CPSF4: variants seen among roughly 807,000 people sequenced by gnomAD.
CPSF4 encodes the protein cleavage and polyadenylation specificity factor subunit 4.
In CPSF4, 11 loss-of-function variants were observed where a neutral mutation model predicts 37.7. The observed-to-expected ratio is 0.29, with a 90% CI of 0.18 to 0.48. The LOEUF (loss-of-function observed/expected upper bound fraction) is 0.48, where lower values mean the gene tolerates loss of function less well. Among genes scored for constraint, CPSF4 ranks in the 20% least tolerant of loss-of-function variants. CPSF4 has a pLI of 0.99. For missense variants in CPSF4, 144 were observed against 359.5 expected (o/e 0.40, Z 4.85); for synonymous variants, 132 against 135.9 (o/e 0.97, Z 0.20).
Position 99,454,093 on chromosome 7 carries a change from G to C in CPSF4, c.698G>C (p.Gly233Ala). Residue 233 changes from glycine to alanine, a missense_variant, in exon 7 of 8, where the codon GGC becomes GCC. Coordinates refer to ENST00000292476, the MANE Select transcript of CPSF4 (RefSeq NM_006693.4). ...ATGCAGAGTCAAAACAGCAGCGCGGGCAACCGGGGACCCCGGCCACTGGAG... is the reference window on the plus strand; with the variant it reads ...ATGCAGAGTCAAAACAGCAGCGCGGCCAACCGGGGACCCCGGCCACTGGAG... ...GVMQSQNSSA[G>A]NRGPRPLEQV... 1.2e-6 allele frequency: 2 copies of C among 1,614,130 alleles called. No individual in the cohort carries two copies. Among genetic ancestry groups the C allele is most frequent in the Non-Finnish European group, 1.7e-6 (2 of 1,180,012 alleles).
chr7:99,451,034 T>C, intron 5 of CPSF4: 1 of 475,186 alleles, frequency 2.1e-6, no homozygotes, highest in Non-Finnish European at 3.8e-6. Flanking sequence ...CATCTGGTAA[T>C]GTAATGGAAG....
chr7:99,456,996 T>G lies in CPSF4; in HGVS notation c.*496T>G. 3.9e-6 allele frequency: 1 copy of G among 256,562 alleles called. No individual in the cohort carries two copies. The highest frequency in any genetic ancestry group is 9.4e-5 in the East Asian group (1 of 10,606). 15.9% of individuals were successfully genotyped at this position (256,562 alleles called of 1,614,324 possible). ...AATGAGGGAGCCCTTTGGGGCAAAT[T>G]CAGGTGCCCCCATTGCCTCAGGCTG... On this transcript the variant is annotated 3_prime_UTR_variant, in exon 8 of 8. Transcript: ENST00000292476.
At chr7:99,445,449 C>G (rs1333436714) in intron 2 of CPSF4, among the ~76,000 whole-genome samples, 6 of 152,074 alleles carry the variant, frequency 3.9e-5, no homozygotes, top group Non-Finnish European at 8.8e-5. Context: ...TGCTCGTCTC[C>G]AAACCACGAG....
chr7:99,442,752 G>A (rs551305960), intron 1 of CPSF4: 39 of 597,404 alleles, frequency 6.5e-5, no homozygotes, highest in Middle Eastern at 5.2e-4. Flanking sequence ...AAACTGCCGC[G>A]GCAGTTCACA....
rs1366789907 is a variant in CPSF4 at position 99,452,497 on chromosome 7, TCA to T, written c.570+58_570+59del. The T allele has an allele frequency of 2.2e-5, 33 of 1,483,190 alleles. No individual in the cohort carries two copies. In the South Asian group the frequency reaches 3.6e-4, roughly 16 times the overall value. The allele number at this position is 1,483,190 out of a possible 1,614,324, so 91.9% of individuals were successfully genotyped here. A position where few individuals can be genotyped will look rare whatever the true frequency, so the allele number is the denominator to read the frequency against. Reference sequence around the variant, plus strand: ...AAGTGCCTTTTCTACAGCGAGAACCTCAGTGTCCCCCAGGGGTGTGGTCTGCC... The same window carrying T: ...AAGTGCCTTTTCTACAGCGAGAACCTGTGTCCCCCAGGGGTGTGGTCTGCC... On this transcript the variant is annotated intron_variant, in intron 6 of 7. Coordinates refer to ENST00000292476, the MANE Select transcript of CPSF4 (RefSeq NM_006693.4).
chr7:99,443,873 C>T (rs1181132380), intron 1 of CPSF4, among the ~76,000 whole-genome samples: 4 of 152,128 alleles, frequency 2.6e-5, no homozygotes, highest in South Asian at 2.1e-4. Context: ...GAGCCAAGAT[C>T]GCACCACCAC....
At chr7:99,445,662 T>A (rs1385606395) in intron 2 of CPSF4, among the ~76,000 whole-genome samples, 1 of 152,126 alleles carries the variant, frequency 6.6e-6, no homozygotes, top group Non-Finnish European at 1.5e-5. Context: ...GGTGGATGGA[T>A]CACCTGAGGT....
At chr7:99,442,993 T>A (rs772410987) in intron 1 of CPSF4, 2 of 1,571,766 alleles carry the variant, frequency 1.3e-6, no homozygotes, top group East Asian at 2.2e-5. Context: ...TTCCTCTTTT[T>A]CAGTTTCTTA....
intron 2 of CPSF4, among the ~76,000 whole-genome samples, chr7:99,445,563 G>A (rs1048473092): frequency 1.3e-5 from 2 of 152,166 alleles, no homozygotes; most frequent in Non-Finnish European, 2.9e-5. Flanking sequence ...TTTAATAATT[G>A]TATGTGGGCC....
Position 99,448,422 on chromosome 7 carries a change from G to A in CPSF4, c.307+149G>A, listed in dbSNP as rs1201720857. 4.4e-6 allele frequency: 3 copies of A among 684,698 alleles called. No individual in the cohort carries two copies. The highest frequency in any genetic ancestry group is 6.9e-6 in the Non-Finnish European group (3 of 436,738). 42.4% of individuals were successfully genotyped at this position (684,698 alleles called of 1,614,324 possible). On this transcript the variant is annotated intron_variant, in intron 3 of 7. Coordinates refer to ENST00000292476, the MANE Select transcript of CPSF4 (RefSeq NM_006693.4). The surrounding 1 kb of genome is among the most constrained non-coding windows in gnomAD (Gnocchi z 4.4). The stretch of plus-strand genomic sequence containing the variant: ...TGGCAGAACCTGCCAGCCTCAGCCA[G>A]CTTTTAGGGGACAGTGTGGCTATTT...
rs1382844517 is a variant in CPSF4 at position 99,441,368 on chromosome 7, C to T, written c.103+2183C>T. 1.3e-5 allele frequency: 6 copies of T among 455,808 alleles called. No individual in the cohort carries two copies. The East Asian group carries it at 3.5e-4, about 26-fold the overall frequency. The allele number at this position is 455,808 out of a possible 1,614,324, so 28.2% of individuals were successfully genotyped here. On this transcript the variant is annotated intron_variant, in intron 1 of 7. Transcript: ENST00000292476. ...ATCCACAAGCCTGTGAGGGGAGGTA[C>T]AGTGGCGAGGGGCCCACATACCTGT...
intron 5 of CPSF4, among the ~76,000 whole-genome samples, chr7:99,451,859 GGA>G (rs1334572802): frequency 1.3e-5 from 2 of 152,208 alleles, no homozygotes; most frequent in Non-Finnish European, 2.9e-5. Context: ...CAGGTCTGTG[GGA>G]ACCCTGGTCC....
chr7:99,454,903 A>G (rs771847494), intron 7 of CPSF4, among the ~76,000 whole-genome samples: 1 of 152,092 alleles, frequency 6.6e-6, no homozygotes, highest in African/African-American at 2.4e-5. Context: ...AAAAATCACA[A>G]AACAGGCTGG....
At chr7:99,456,258 C>T in intron 7 of CPSF4, 174 bp from the exon 8 acceptor site, 2 of 639,826 alleles carry the variant, frequency 3.1e-6, no homozygotes, top group Non-Finnish European at 5.6e-6. Flanking sequence ...ATCCTGAGCT[C>T]CCTCACCCTC....
At position 99,456,550 on chromosome 7, in the gene CPSF4, T is replaced by C. The variant is rs1798325206; in HGVS notation, c.*50T>C. The C allele has an allele frequency of 2.0e-6, 3 of 1,510,708 alleles. No homozygotes were observed. Among genetic ancestry groups the C allele is most frequent in the Admixed American group, 1.7e-5 (1 of 59,534 alleles). The allele number at this position is 1,510,708 out of a possible 1,614,324, so 93.6% of individuals were successfully genotyped here. A position where few individuals can be genotyped will look rare whatever the true frequency, so the allele number is the denominator to read the frequency against. ...AGCCCGGGGGCCCCGCTGTTGGGAG[T>C]GTGCATTTAACTGTTTCATGCGCTT... On this transcript the variant is annotated 3_prime_UTR_variant, in exon 8 of 8. Transcript: ENST00000292476.
intron 1 of CPSF4, among the ~76,000 whole-genome samples, chr7:99,440,668 A>ATGTTT (rs1263161658): frequency 2.2e-4 from 19 of 84,824 alleles, no homozygotes; most frequent in Admixed American, 4.7e-4. Flanking sequence ...ATATATATAT[A>ATGTTT]TATATATTTT....
At chr7:99,443,242 C>A (rs974945546) in intron 1 of CPSF4, 1 of 774,782 alleles carries the variant, frequency 1.3e-6, no homozygotes, top group East Asian at 2.4e-5. Context: ...GTAATTTTCA[C>A]CACTTTCTTC....
intron 1 of CPSF4, among the ~76,000 whole-genome samples, chr7:99,440,051 T>A (rs1029280260): frequency 1.3e-5 from 2 of 152,236 alleles, no homozygotes; most frequent in African/African-American, 4.8e-5. Context: ...TTTCTTTGTG[T>A]CTTCTTTCCT....
chr7:99,455,189 G>A (rs987726833), intron 7 of CPSF4, among the ~76,000 whole-genome samples: 1 of 152,220 alleles, frequency 6.6e-6, no homozygotes, highest in Non-Finnish European at 1.5e-5. Flanking sequence ...GCCTTAGAAA[G>A]GTAGGGCTGA....
Sources: allele counts gnomAD v4.1 joint callset (sites outside exome capture counted in the v4.1 genomes callset), GRCh38; gene constraint gnomAD v4.1.1; non-coding constraint Gnocchi (gnomAD v3.1); transcripts MANE v1.5; gene names NCBI Gene and HGNC (gene_info 2026-07-23, HGNC 2026-07-21).